SCAF11: variants seen among roughly 807,000 people sequenced by gnomAD.
SCAF11 encodes the protein SR-related CTD associated factor 11.
A neutral mutation model predicts 140.5 loss-of-function variants in SCAF11; 47 were observed. That is an observed-to-expected ratio of 0.33 (90% CI 0.26 to 0.43). The LOEUF (loss-of-function observed/expected upper bound fraction) is 0.43, where lower values mean the gene tolerates loss of function less well. Among genes scored for constraint, SCAF11 ranks in the 20% least tolerant of loss-of-function variants. SCAF11 has a pLI of 1.00. For synonymous variants in SCAF11, 557 were observed against 579.4 expected (o/e 0.96, Z 0.55); for missense variants, 1,645 against 1,705.1 (o/e 0.96, Z 0.62).
Position 45,950,084 on chromosome 12 carries a change from T to C in SCAF11, c.298-1547A>G, listed in dbSNP as rs140469740. 2.6e-3 allele frequency among the ~76,000 whole-genome samples: 390 copies of C among 152,292 alleles called. 2 individuals carry two copies. The highest frequency in any genetic ancestry group is 1.5e-3 in the Non-Finnish European group (101 of 68,014). On this transcript the variant is annotated intron_variant, in intron 4 of 14. Transcript: ENST00000369367. ...ACATACCCACAAGAGAAGGATGTTT[T>C]AGAAGCCGAAGGAATTAGAGGGTAG... is the stretch of plus-strand genomic sequence containing the variant.
At chr12:45,975,369 T>C (rs1168292904) in intron 1 of SCAF11, 1 of 152,398 alleles carries the variant, frequency 6.6e-6, no homozygotes, top group Non-Finnish European at 1.5e-5. Flanking sequence ...CTACTTTCAA[T>C]AGAAGGCTGG....
intron 6 of SCAF11, among the ~76,000 whole-genome samples, chr12:45,944,436 T>C (rs1024379314): frequency 6.6e-6 from 1 of 152,152 alleles, no homozygotes; most frequent in Non-Finnish European, 1.5e-5. Context: ...AACCAACAAC[T>C]TGGTATTCAT....
chr12:45,956,860 T>G (rs1173531201), intron 3 of SCAF11, among the ~76,000 whole-genome samples: 1 of 152,222 alleles, frequency 6.6e-6, no homozygotes, highest in Non-Finnish European at 1.5e-5. Context: ...AACAGAGTAC[T>G]TAAATTCTTT....
intron 2 of SCAF11, among the ~76,000 whole-genome samples, chr12:45,962,880 A>G (rs1425769081): frequency 1.3e-5 from 2 of 152,260 alleles, no homozygotes; most frequent in Non-Finnish European, 2.9e-5. Flanking sequence ...GATTTAATTT[A>G]TCAAATGTAA....
chr12:45,972,298 T>C (rs1946090878), intron 1 of SCAF11, among the ~76,000 whole-genome samples: 1 of 152,104 alleles, frequency 6.6e-6, no homozygotes, highest in South Asian at 2.1e-4. Flanking sequence ...AATAAAAATA[T>C]TGGCTGGGCA....
At chr12:45,991,030 T>C (rs1946596593), upstream of SCAF11, among the ~76,000 whole-genome samples, 1 of 152,254 alleles carries the variant, frequency 6.6e-6, no homozygotes, top group Non-Finnish European at 1.5e-5. Context: ...GCGCAGGGTG[T>C]GCTCCTTATC....
Position 45,923,167 on chromosome 12 carries a change from G to A in SCAF11, c.3907-13C>T. Reference sequence around the variant, plus strand: ...AACTAGGAATACCCTGTTTTAAAGAGTTATCATCAGTTAATGAATTACTTG... The same window carrying A: ...AACTAGGAATACCCTGTTTTAAAGAATTATCATCAGTTAATGAATTACTTG... On this transcript the variant is annotated splice_polypyrimidine_tract_variant and intron_variant, in intron 12 of 14. Transcript: ENST00000369367. 6.3e-7 allele frequency: 1 copy of A among 1,591,976 alleles called. No homozygotes were observed. Among genetic ancestry groups the A allele is most frequent in the African/African-American group, 1.3e-5 (1 of 74,532 alleles).
chr12:45,950,856 C>T (rs1945532853), intron 4 of SCAF11, among the ~76,000 whole-genome samples: 1 of 152,162 alleles, frequency 6.6e-6, no homozygotes, highest in African/African-American at 2.4e-5. Context: ...TGGACAAAGA[C>T]TAACAGTGCT....
chr12:45,973,007 T>TAG (rs1357493912), intron 1 of SCAF11, among the ~76,000 whole-genome samples: 112 of 137,954 alleles, frequency 8.1e-4, no homozygotes, highest in Non-Finnish European at 1.0e-3. Context: ...TATAGATATA[T>TAG]ATATAGATAT....
At chr12:45,948,213 G>C (rs12307626) in intron 5 of SCAF11, among the ~76,000 whole-genome samples, 3,189 of 152,114 alleles carry the variant, frequency 0.021, 121 homozygotes, top group African/African-American at 0.073. Context: ...GATTATAGGA[G>C]TGAGCCACCA....
intron 6 of SCAF11, among the ~76,000 whole-genome samples, chr12:45,936,705 A>G (rs1945181547): frequency 1.3e-5 from 2 of 152,176 alleles, no homozygotes; most frequent in African/African-American, 4.8e-5. Flanking sequence ...TCATTATCCC[A>G]ATAATCCTCT....
At chr12:45,976,370 A>G (rs538563220) in intron 1 of SCAF11, among the ~76,000 whole-genome samples, 28 of 152,294 alleles carry the variant, frequency 1.8e-4, no homozygotes, top group African/African-American at 6.7e-4. Context: ...ATTACAGTAT[A>G]TTGTTATAAT....
At chr12:45,980,778 C>T (rs1422291572) in intron 1 of SCAF11, among the ~76,000 whole-genome samples, 3 of 152,114 alleles carry the variant, frequency 2.0e-5, no homozygotes, top group Non-Finnish European at 4.4e-5. Context: ...GAGTGACTCT[C>T]ATGCCCTTTT....
Position 45,928,272 on chromosome 12 carries a change from A to C in SCAF11, c.1429T>G (p.Ser477Ala). ...AGCACAGGAAGATCTTGAGCACAAG[A>C]CTCAGAAGATGAAGATCCTACTCTT... ...EERVGSSSSESCAQDLPVLVG... is the reference protein window; with the variant it reads ...EERVGSSSSEACAQDLPVLVG... Residue 477 changes from serine to alanine, a missense_variant, in exon 11 of 15, where the codon TCT (serine) becomes GCT (alanine). Transcript: ENST00000369367. The C allele has an allele frequency of 6.2e-7, 1 of 1,613,956 alleles. No homozygotes were observed. The highest frequency in any genetic ancestry group is 8.5e-7 in the Non-Finnish European group (1 of 1,179,992).
intron 5 of SCAF11, among the ~76,000 whole-genome samples, chr12:45,947,922 C>T (rs377039268): frequency 6.6e-6 from 1 of 152,124 alleles, no homozygotes; most frequent in Non-Finnish European, 1.5e-5. Context: ...AGTGATCCTC[C>T]CACCTCAGTC....
At chr12:45,952,819 C>CT (rs1240096761) in intron 3 of SCAF11, among the ~76,000 whole-genome samples, 7 of 152,158 alleles carry the variant, frequency 4.6e-5, no homozygotes, top group Non-Finnish European at 1.0e-4. Context: ...TTTTAACAAT[C>CT]TAATAGCAAT....
chr12:45,949,208 G>A (rs1046515504), intron 4 of SCAF11, among the ~76,000 whole-genome samples: 1 of 152,126 alleles, frequency 6.6e-6, no homozygotes, highest in Non-Finnish European at 1.5e-5. Context: ...AAGCTCTTAA[G>A]ATAGACTAGA....
At position 45,990,447 on chromosome 12, in the gene SCAF11, C is replaced by T. The variant is rs537234651; in HGVS notation, c.-116G>A. 1.5e-5 allele frequency: 18 copies of T among 1,231,882 alleles called. No homozygotes were observed. In the South Asian group the frequency reaches 5.8e-4, roughly 39 times the overall value. The allele number at this position is 1,231,882 out of a possible 1,614,324, so 76.3% of individuals were successfully genotyped here. On this transcript the variant is annotated 5_prime_UTR_variant, in exon 1 of 15. Coordinates refer to ENST00000369367, the MANE Select transcript of SCAF11 (RefSeq NM_004719.3). ...GCTGCCAAGTTCCCCAACATGGACT[C>T]CTTCGTCCGCTTTGTGGTGTTACAG...
chr12:45,953,881 TA>T, intron 3 of SCAF11: 1 of 1,036,812 alleles, frequency 9.6e-7, no homozygotes. Context: ...TGGCATATAC[TA>T]AATATTATGT....
Sources: gnomAD v4.1 joint callset for allele counts (sites outside exome capture counted in the v4.1 genomes callset) on GRCh38, gnomAD v4.1.1 for gene constraint, MANE v1.5 for transcripts, NCBI Gene and HGNC (gene_info 2026-07-23, HGNC 2026-07-21) for gene names.